The following CHD6 variants were observed in gnomAD, a reference collection of about 807,000 sequenced individuals.
The protein encoded by CHD6 is ATP-dependent chromatin remodeler CHD6.
Under a neutral mutation model 276.9 loss-of-function variants are expected in CHD6, and 50 were observed. The observed-to-expected ratio is 0.18, with a 90% CI of 0.14 to 0.23. The LOEUF is 0.23. Ranked by LOEUF, CHD6 falls within the 10% of genes least tolerant of loss-of-function variation. CHD6 has a pLI of 1.00. For missense variants in CHD6, 2,564 were observed against 3,365.8 expected, an observed-to-expected ratio of 0.76 and a Z score of 5.89; for synonymous variants, 1,173 against 1,229.3, an observed-to-expected ratio of 0.95 and a Z score of 0.96.
intron 14 of CHD6, among the ~76,000 whole-genome samples, chr20:41,486,679 C>T (rs1054656465): frequency 6.6e-6 from 1 of 152,176 alleles, no homozygotes; most frequent in African/African-American, 2.4e-5. Context: ...TAAGGTCTTG[C>T]ATGGCTTCTC....
chr20:41,530,553 T>C (rs1045743640), intron 3 of CHD6, among the ~76,000 whole-genome samples: 1 of 152,208 alleles, frequency 6.6e-6, no homozygotes, highest in East Asian at 1.9e-4. Flanking sequence ...TATGCATATA[T>C]ACATATGTGT....
Position 41,498,009 on chromosome 20 carries a change from T to C in CHD6, c.974+159A>G. 3 of 597,270 alleles carry C rather than the reference T, an allele frequency of 5.0e-6. No individual in the cohort carries two copies. In the South Asian group the frequency reaches 6.3e-5, roughly 13 times the overall value. 37.0% of individuals were successfully genotyped at this position (597,270 alleles called of 1,614,324 possible). ...CAGGTAATTCTGTGTGCAGCTATAA[T>C]TGAGCGTTACTGCCTAAGGTAAACT... On this transcript the variant is annotated intron_variant, in intron 7 of 36. Coordinates refer to ENST00000373233, the MANE Select transcript of CHD6 (RefSeq NM_032221.5).
chr20:41,422,142 G>A (rs2047215745), intron 30 of CHD6, 63 bp from the exon 31 acceptor site: 1 of 1,508,886 alleles, frequency 6.6e-7, no homozygotes, highest in Admixed American at 2.1e-5. Context: ...CCGCCCACCT[G>A]AGCCCCTGCA....
intron 14 of CHD6, among the ~76,000 whole-genome samples, chr20:41,487,007 C>G (rs1358921413): frequency 6.6e-6 from 1 of 152,224 alleles, no homozygotes; most frequent in Non-Finnish European, 1.5e-5. Flanking sequence ...ACCACCTCTA[C>G]TATTTGTTCC....
rs1251653038 is a variant in CHD6, at chr20:41,551,307, G to A, written c.31C>T (p.Gln11Ter). MKMKIQKKEK[Q>*]LSNLKVLNHS... ...TTAAAAGAAAAGTGATCACTTACCTGCTTCTCTTTTTTCTGTATTTTCATT... is the reference window on the plus strand; with the variant it reads ...TTAAAAGAAAAGTGATCACTTACCTACTTCTCTTTTTTCTGTATTTTCATT... Residue 11 changes from glutamine (Q) to a stop codon, truncating the protein, a stop_gained and splice_region_variant, in exon 2 of 37, where the codon CAG (glutamine) becomes TAG (stop). Transcript: ENST00000373233. LOFTEE classifies it high-confidence loss of function. The A allele has an allele frequency of 6.7e-7, 1 of 1,492,356 alleles. No individual in the cohort carries two copies. The highest frequency in any genetic ancestry group is 1.1e-5 in the South Asian group (1 of 87,332). 92.4% of individuals were successfully genotyped at this position (1,492,356 alleles called of 1,614,324 possible).
intron 26 of CHD6, among the ~76,000 whole-genome samples, chr20:41,439,120 G>A (rs558390012): frequency 1.7e-4 from 26 of 152,326 alleles, no homozygotes; most frequent in African/African-American, 6.0e-4. Context: ...TACTTTGGGA[G>A]GCTGAGGTGG....
At chr20:41,478,391 G>A (rs1204698175) in intron 16 of CHD6, among the ~76,000 whole-genome samples, 1 of 152,138 alleles carries the variant, frequency 6.6e-6, no homozygotes, top group Non-Finnish European at 1.5e-5. Flanking sequence ...CCTACCTGAG[G>A]GCACTGGCGA....
rs1042628144 is a variant in CHD6 at position 41,413,215 on chromosome 20, C to T, written c.7131+109G>A. 4 of 818,158 alleles carry T rather than the reference C, an allele frequency of 4.9e-6. No homozygotes were observed. In the African/African-American group the frequency reaches 7.0e-5, roughly 14 times the overall value. The allele number at this position is 818,158 out of a possible 1,614,324, so 50.7% of individuals were successfully genotyped here. On this transcript the variant is annotated intron_variant, in intron 35 of 36. Transcript: ENST00000373233. ...TGATGTTGTCAGCTGACAGATTTCT[C>T]CCAAACAGCTCCCAACTTCCTGGTT...
chr20:41,553,558 G>A (rs747857656), intron 1 of CHD6, among the ~76,000 whole-genome samples: 49 of 152,322 alleles, frequency 3.2e-4, no homozygotes, highest in Non-Finnish European at 6.6e-4. Flanking sequence ...TTAGCAAATC[G>A]GGTATTAGTT....
intron 11 of CHD6, among the ~76,000 whole-genome samples, chr20:41,490,349 T>A (rs73611285): frequency 6.6e-6 from 1 of 152,174 alleles, no homozygotes; most frequent in East Asian, 1.9e-4. Context: ...GCCTACTACA[T>A]ACCTAGGCTA....
chr20:41,408,819 T>C (rs1009392294), intron 36 of CHD6, among the ~76,000 whole-genome samples: 1 of 152,206 alleles, frequency 6.6e-6, no homozygotes, highest in Non-Finnish European at 1.5e-5. Flanking sequence ...GGTGCCTCCT[T>C]CTTCTTTTCA....
chr20:41,552,362 T>C (rs149227594), intron 1 of CHD6, among the ~76,000 whole-genome samples: 76 of 152,350 alleles, frequency 5.0e-4, no homozygotes, highest in African/African-American at 1.8e-3. Context: ...CAAATGAATG[T>C]GATGTGTAGG....
chr20:41,469,025 T>A (rs2042993270), intron 17 of CHD6, among the ~76,000 whole-genome samples: 1 of 151,678 alleles, frequency 6.6e-6, no homozygotes, highest in South Asian at 2.1e-4. Flanking sequence ...AAATAGGGGG[T>A]GCAAGCAATG....
chr20:41,432,589 GC>G (rs34609245), intron 27 of CHD6, among the ~76,000 whole-genome samples: 32,632 of 151,404 alleles, frequency 0.22, 3,815 homozygotes, highest in East Asian at 0.39. Context: ...GAAACAAGGT[GC>G]CCCCCCCGAC....
chr20:41,609,832 T>C (rs367699303), intron 1 of CHD6, among the ~76,000 whole-genome samples: 1 of 151,684 alleles, frequency 6.6e-6, no homozygotes. Flanking sequence ...TGTGGATCTG[T>C]GTTTCCTTTT....
rs75549542 is a variant in CHD6, at chr20:41,577,464, T to A, written c.-23-26104A>T. 8.8e-3 allele frequency among the ~76,000 whole-genome samples: 1,338 copies of A among 152,194 alleles called. 17 individuals carry two copies. The highest frequency in any genetic ancestry group is 0.024 in the African/African-American group (993 of 41,510). On this transcript the variant is annotated intron_variant, in intron 1 of 36. Coordinates refer to ENST00000373233, the MANE Select transcript of CHD6 (RefSeq NM_032221.5). ...TTCCATCTACTCTGACCTCAAAGAT[T>A]CTCCTATAGAATCTGGGGGCTATTT...
intron 3 of CHD6, among the ~76,000 whole-genome samples, chr20:41,526,290 T>C (rs2044533765): frequency 6.6e-6 from 1 of 152,200 alleles, no homozygotes; most frequent in Non-Finnish European, 1.5e-5. Context: ...TGAGGACTCA[T>C]ACACACCGTT....
At chr20:41,571,627 G>T (rs989647402) in intron 1 of CHD6, among the ~76,000 whole-genome samples, 1 of 151,318 alleles carries the variant, frequency 6.6e-6, no homozygotes, top group South Asian at 2.1e-4. Flanking sequence ...TTGGCCATTA[G>T]TATTTTTGTT....
intron 36 of CHD6, among the ~76,000 whole-genome samples, chr20:41,410,214 C>CG (rs993848628): frequency 2.5e-4 from 38 of 152,074 alleles, no homozygotes; most frequent in Admixed American, 2.2e-3. Flanking sequence ...TAATAGGATG[C>CG]GGGGGGTTTA....
Sources: gnomAD v4.1 joint callset for allele counts (sites outside exome capture counted in the v4.1 genomes callset) on GRCh38, gnomAD v4.1.1 for gene constraint, MANE v1.5 for transcripts, NCBI Gene and HGNC (gene_info 2026-07-23, HGNC 2026-07-21) for gene names.